Variants in EML4 observed in about 807,000 individuals in gnomAD.
EML4 encodes the protein EMAP like 4.
Under a neutral mutation model 129.0 loss-of-function variants are expected in EML4, and 72 were observed. That is an observed-to-expected ratio of 0.56 (90% CI 0.46 to 0.68). EML4 has a LOEUF of 0.68. Among genes scored for constraint, EML4 ranks in the 30% least tolerant of loss-of-function variants. EML4 has a pLI of 0.00. For missense variants in EML4, 1,363 were observed against 1,190.6 expected (o/e 1.14, Z -2.13); for synonymous variants, 532 against 405.0 (o/e 1.31, Z -3.77).
intron 1 of EML4, among the ~76,000 whole-genome samples, chr2:42,238,606 GTTTTTATTTTTTTAT>G (rs1674827987): frequency 7.0e-6 from 1 of 142,186 alleles, no homozygotes; most frequent in Non-Finnish European, 1.5e-5. Context: ...ATGTAATTTT[GTTTTTATTTTTTTAT>G]TTTTTATTTT....
chr2:42,290,416 T>TA (rs1667571960), intron 11 of EML4, among the ~76,000 whole-genome samples: 1 of 151,796 alleles, frequency 6.6e-6, no homozygotes, highest in Admixed American at 6.6e-5. Context: ...TGAAAAAAAA[T>TA]AAAAAATTAA....
intron 11 of EML4, 40 bp downstream of exon 11, chr2:42,288,362 G>A (rs1215075568): frequency 1.7e-5 from 17 of 1,020,350 alleles, no homozygotes; most frequent in African/African-American, 3.2e-5. Context: ...TTTAGAGTAC[G>A]TTACTTGTTT....
chr2:42,278,492 T>G (rs1572676859), intron 6 of EML4, among the ~76,000 whole-genome samples: 1 of 138,762 alleles, frequency 7.2e-6, no homozygotes, highest in African/African-American at 2.7e-5. Context: ...GAGAATCACT[T>G]AAACCCGGGT....
At chr2:42,178,951 C>T (rs1308841372) in intron 1 of EML4, among the ~76,000 whole-genome samples, 1 of 152,166 alleles carries the variant, frequency 6.6e-6, no homozygotes, top group Non-Finnish European at 1.5e-5. Flanking sequence ...TCAATAGGTG[C>T]TAAATCTAGG....
At chr2:42,194,262 A>G (rs904432311) in intron 1 of EML4, among the ~76,000 whole-genome samples, 3 of 151,408 alleles carry the variant, frequency 2.0e-5, no homozygotes, top group African/African-American at 7.3e-5. Context: ...ATATTTTTCA[A>G]TTATTTTCTT....
intron 9 of EML4, 122 bp downstream of exon 9, chr2:42,284,825 C>G (rs1667199093): frequency 1.7e-6 from 1 of 577,294 alleles, no homozygotes; most frequent in Non-Finnish European, 2.9e-6. Flanking sequence ...TGAGGAATTT[C>G]TAGTATAAGC....
intron 1 of EML4, among the ~76,000 whole-genome samples, chr2:42,201,234 A>G (rs1672213679): frequency 6.6e-6 from 1 of 152,180 alleles, no homozygotes; most frequent in Non-Finnish European, 1.5e-5. Context: ...ATCAGGCATC[A>G]CTCTGTATCA....
At chr2:42,316,473 A>C (rs760207015) in intron 18 of EML4, among the ~76,000 whole-genome samples, 1 of 152,220 alleles carries the variant, frequency 6.6e-6, no homozygotes, top group Non-Finnish European at 1.5e-5. Flanking sequence ...GTCCTTTAGA[A>C]TCTAGTGCAT....
Position 42,332,452 on chromosome 2 carries a change from T to G in EML4, c.*2245T>G. On this transcript the variant is annotated 3_prime_UTR_variant, in exon 23 of 23. Coordinates refer to ENST00000318522, the MANE Select transcript of EML4 (RefSeq NM_019063.5). The stretch of plus-strand genomic sequence containing the variant: ...TGAAAATGAATCCAAGTGTTTCATG[T>G]GAAGATGTTGAGCCATTGCTATCAT... The G allele has an allele frequency of 5.0e-6, 1 of 198,390 alleles. No homozygotes were observed. Among genetic ancestry groups the G allele is most frequent in the Non-Finnish European group, 1.0e-5 (1 of 95,600 alleles). The allele number at this position is 198,390 out of a possible 1,614,324, so 12.3% of individuals were successfully genotyped here.
chr2:42,305,993 A>G (rs757518741), intron 17 of EML4, among the ~76,000 whole-genome samples: 23 of 152,232 alleles, frequency 1.5e-4, no homozygotes, highest in Non-Finnish European at 2.6e-4. Context: ...AATCTTTCAG[A>G]ATAATGGAAA....
chr2:42,282,997 A>G, intron 8 of EML4, 25 bp downstream of exon 8: 6 of 1,555,088 alleles, frequency 3.9e-6, no homozygotes, highest in Admixed American at 2.1e-5. Flanking sequence ...ACATTGGTTC[A>G]TTTTTGTTCT....
intron 1 of EML4, among the ~76,000 whole-genome samples, chr2:42,235,454 CTG>C (rs1468764469): frequency 2.0e-5 from 3 of 152,294 alleles, no homozygotes; most frequent in East Asian, 3.9e-4. Flanking sequence ...CAGAGCCAGA[CTG>C]TGTCTCAAAA....
At chr2:42,193,297 A>G (rs1471175519) in intron 1 of EML4, among the ~76,000 whole-genome samples, 2 of 152,230 alleles carry the variant, frequency 1.3e-5, no homozygotes, top group East Asian at 1.9e-4. Flanking sequence ...GATTTTGCAC[A>G]ATGAAATTGC....
At chr2:42,242,017 G>C (rs1327566090) in intron 1 of EML4, among the ~76,000 whole-genome samples, 1 of 152,100 alleles carries the variant, frequency 6.6e-6, no homozygotes, top group Non-Finnish European at 1.5e-5. Context: ...TTTACAAGCT[G>C]AACCACCTTT....
intron 17 of EML4, among the ~76,000 whole-genome samples, chr2:42,307,921 C>T (rs964250227): frequency 2.6e-5 from 4 of 152,212 alleles, no homozygotes; most frequent in African/African-American, 9.6e-5. Flanking sequence ...TCCCAGAGTA[C>T]TGGGATTACA....
chr2:42,275,123 TC>T (rs1462638140), intron 6 of EML4, among the ~76,000 whole-genome samples: 1 of 152,250 alleles, frequency 6.6e-6, no homozygotes, highest in Non-Finnish European at 1.5e-5. Flanking sequence ...TTGAAATTTT[TC>T]TAGTCAAATT....
chr2:42,307,503 T>C (rs1288300394), intron 17 of EML4, among the ~76,000 whole-genome samples: 2 of 152,212 alleles, frequency 1.3e-5, no homozygotes, highest in African/African-American at 4.8e-5. Context: ...CTTGGGGAAC[T>C]TTCTCATTTG....
At chr2:42,189,810 T>A (rs1671479149) in intron 1 of EML4, among the ~76,000 whole-genome samples, 1 of 152,198 alleles carries the variant, frequency 6.6e-6, no homozygotes. Context: ...TTGCTGTTGT[T>A]CTCTTATGTT....
At chr2:42,279,680 T>C (rs1052159995) in intron 6 of EML4, among the ~76,000 whole-genome samples, 1 of 152,070 alleles carries the variant, frequency 6.6e-6, no homozygotes, top group African/African-American at 2.4e-5. Context: ...TTCACCGTGT[T>C]AGCCACGATG....
Sources: allele counts gnomAD v4.1 joint callset (sites outside exome capture counted in the v4.1 genomes callset), GRCh38; gene constraint gnomAD v4.1.1; transcripts MANE v1.5; gene names NCBI Gene and HGNC (gene_info 2026-07-23, HGNC 2026-07-21).